The following OPRD1 variants were observed in gnomAD, a reference collection of about 807,000 sequenced individuals.
OPRD1 encodes the protein delta-type opioid receptor.
Under a neutral mutation model 17.5 loss-of-function variants are expected in OPRD1, and 19 were observed. That is an observed-to-expected ratio of 1.09 (90% CI 0.76 to 1.60). The LOEUF (loss-of-function observed/expected upper bound fraction) is 1.60, where lower values mean the gene tolerates loss of function less well. Ranked by LOEUF, OPRD1 falls within the 40% of genes most tolerant of loss-of-function variation. The pLI is 0.00. For missense variants in OPRD1, 483 were observed against 547.2 expected (o/e 0.88, Z 1.17); for synonymous variants, 256 against 240.9 (o/e 1.06, Z -0.58).
At chr1:28,841,490 G>T (rs918290716) in intron 1 of OPRD1, among the ~76,000 whole-genome samples, 1 of 152,150 alleles carries the variant, frequency 6.6e-6, no homozygotes, top group Non-Finnish European at 1.5e-5. Flanking sequence ...GTGTGTTTTG[G>T]GTGAGCATCT....
At chr1:28,817,910 G>T (rs975348327) in intron 1 of OPRD1, among the ~76,000 whole-genome samples, 2 of 143,712 alleles carry the variant, frequency 1.4e-5, no homozygotes, top group Non-Finnish European at 1.5e-5. Flanking sequence ...GGCGGGGGGG[G>T]GGTTTCACCA....
intron 1 of OPRD1, among the ~76,000 whole-genome samples, chr1:28,845,255 A>C (rs1244834351): frequency 2.0e-5 from 3 of 151,886 alleles, no homozygotes; most frequent in Non-Finnish European, 2.9e-5. Context: ...AGGCCGAGGT[A>C]GGTGGATAAC....
chr1:28,828,619 G>A (rs1010535889), intron 1 of OPRD1, among the ~76,000 whole-genome samples: 32 of 147,662 alleles, frequency 2.2e-4, no homozygotes, highest in Non-Finnish European at 4.3e-4. Flanking sequence ...TCAGAAGTTC[G>A]AAGCTGCACT....
chr1:28,844,509 T>C (rs2088923290), intron 1 of OPRD1, among the ~76,000 whole-genome samples: 1 of 152,124 alleles, frequency 6.6e-6, no homozygotes, highest in African/African-American at 2.4e-5. Flanking sequence ...CAGGCTGGTC[T>C]CAAACTCTTG....
chr1:28,826,401 G>A (rs2088768725), intron 1 of OPRD1, among the ~76,000 whole-genome samples: 2 of 151,994 alleles, frequency 1.3e-5, no homozygotes, highest in Non-Finnish European at 2.9e-5. Context: ...ACATGCACCT[G>A]TAGTCCCAGC....
chr1:28,816,768 AC>A (rs1164708693), intron 1 of OPRD1, among the ~76,000 whole-genome samples: 2 of 151,772 alleles, frequency 1.3e-5, no homozygotes, highest in Non-Finnish European at 2.9e-5. Context: ...ACACCGGACA[AC>A]CCCTTCCTCC....
chr1:28,830,288 T>C (rs2088799449), intron 1 of OPRD1, among the ~76,000 whole-genome samples: 1 of 151,690 alleles, frequency 6.6e-6, no homozygotes. Context: ...TTTGGGAGGC[T>C]GAGGTGAGAG....
At chr1:28,843,394 A>G (rs1233874850) in intron 1 of OPRD1, among the ~76,000 whole-genome samples, 1 of 152,108 alleles carries the variant, frequency 6.6e-6, no homozygotes, top group Non-Finnish European at 1.5e-5. Context: ...GAAGTTTTTC[A>G]TCTTCCCAAA....
At chr1:28,813,219 G>T (rs2088646866) in intron 1 of OPRD1, among the ~76,000 whole-genome samples, 1 of 152,220 alleles carries the variant, frequency 6.6e-6, no homozygotes, top group Non-Finnish European at 1.5e-5. Context: ...GAAACCCCGA[G>T]GGCGGCAGAG....
rs993188542 is a variant in OPRD1 at position 28,865,574 on chromosome 1, C to T, written c.*2291C>T. ...GTGAGGCTCCCAGCAGCCCCAGACC[C>T]GGGGATGTGCCTCCTTTGGGAAATG... is the stretch of plus-strand genomic sequence containing the variant. On this transcript the variant is annotated 3_prime_UTR_variant, in exon 3 of 3. Transcript: ENST00000234961. 2 of 152,254 alleles carry T rather than the reference C, an allele frequency of 1.3e-5. No homozygotes were observed. The highest frequency in any genetic ancestry group is 4.8e-5 in the African/African-American group (2 of 41,538). The allele number at this position is 152,254 out of a possible 1,614,324, so 9.4% of individuals were successfully genotyped here. A position where few individuals can be genotyped will look rare whatever the true frequency, so the allele number is the denominator to read the frequency against.
chr1:28,812,730 C>T (rs2088643101), intron 1 of OPRD1, 120 bp downstream of exon 1: 1 of 895,210 alleles, frequency 1.1e-6, no homozygotes, highest in Non-Finnish European at 1.6e-6. Flanking sequence ...CCTGCAGGGG[C>T]ACCTGGGGCC....
intron 1 of OPRD1, 88 bp from the exon 2 acceptor site, chr1:28,858,866 C>T (rs1171381825): frequency 1.5e-6 from 2 of 1,312,398 alleles, no homozygotes; most frequent in African/African-American, 1.4e-5. Context: ...TTTTGCATGT[C>T]CTTAGGAAAG....
rs985034139 is a variant in OPRD1, at chr1:28,846,835, T to C, written c.228-12119T>C. ...GGCTGTTTGCATTTTCTTTCTTTCT[T>C]TCTTTCTTTCTTTTCTTTCTTTCTT... On this transcript the variant is annotated intron_variant, in intron 1 of 2. Transcript: ENST00000234961. Among the ~76,000 whole-genome samples, 26 of 76,982 alleles carry C rather than the reference T, an allele frequency of 3.4e-4. 1 individual carries two copies. The highest frequency in any genetic ancestry group is 4.3e-3 in the Middle Eastern group (1 of 230). The allele number at this position is 76,982 out of a possible 152,430, so 50.5% of individuals were successfully genotyped here.
intron 1 of OPRD1, among the ~76,000 whole-genome samples, chr1:28,847,903 T>C (rs1048220576): frequency 6.6e-6 from 1 of 151,888 alleles, no homozygotes; most frequent in African/African-American, 2.4e-5. Context: ...GGCTCTCATA[T>C]GTAAACTGCA....
At chr1:28,836,026 C>T (rs2088849639) in intron 1 of OPRD1, among the ~76,000 whole-genome samples, 1 of 152,204 alleles carries the variant, frequency 6.6e-6, no homozygotes, top group African/African-American at 2.4e-5. Flanking sequence ...ACGCTCTACC[C>T]AGACATCTCT....
In OPRD1 at chr1:28,812,482, TGCGTCGGGGCCGCCAGGCGCGCGGA is replaced by T. The variant is rs1251811238; in HGVS notation, c.103_127del (p.Ser35ProfsTer38). 6.5e-7 allele frequency: 1 copy of T among 1,547,198 alleles called. No individual in the cohort carries two copies. Among genetic ancestry groups the T allele is most frequent in the East Asian group, 2.5e-5 (1 of 40,110 alleles). On this transcript the variant is annotated frameshift_variant, in exon 1 of 3. Coordinates refer to ENST00000234961, the MANE Select transcript of OPRD1 (RefSeq NM_000911.4). LOFTEE classifies it high-confidence loss of function. ...GCGCCTGCCCCAGCGCTGGCGCCAA[TGCGTCGGGGCCGCCAGGCGCGCGGA>T]GCGCCTCGTCCCTCGCCCTGGCAAT... is the stretch of plus-strand genomic sequence containing the variant.
At chr1:28,845,067 G>A (rs1052062432) in intron 1 of OPRD1, among the ~76,000 whole-genome samples, 1 of 152,004 alleles carries the variant, frequency 6.6e-6, no homozygotes, top group Non-Finnish European at 1.5e-5. Flanking sequence ...ATAGTCAGCC[G>A]GGCATGGTGG....
chr1:28,852,577 A>T (rs77133677), intron 1 of OPRD1, among the ~76,000 whole-genome samples: 4,556 of 152,236 alleles, frequency 0.03, 213 homozygotes, highest in African/African-American at 0.1. Context: ...GTCTGAGGCC[A>T]GAGAATCGTT....
chr1:28,812,624 G>T lies in OPRD1; in HGVS notation c.227+14G>T. The T allele has an allele frequency of 1.3e-6, 2 of 1,487,108 alleles. No individual in the cohort carries two copies. The highest frequency in any genetic ancestry group is 8.9e-7 in the Non-Finnish European group (1 of 1,118,868). 92.1% of individuals were successfully genotyped at this position (1,487,108 alleles called of 1,614,324 possible). ...CGGCATCGTCCGGTGAGTCCGCTGC[G>T]GGCCGGCGCCGCAGGGCTGGAGCCC... On this transcript the variant is annotated intron_variant, in intron 1 of 2. Transcript: ENST00000234961.
Sources: gnomAD v4.1 joint callset for allele counts (sites outside exome capture counted in the v4.1 genomes callset) on GRCh38, gnomAD v4.1.1 for gene constraint, MANE v1.5 for transcripts, NCBI Gene and HGNC (gene_info 2026-07-23, HGNC 2026-07-21) for gene names.